The following ZNF644 variants were observed in gnomAD, a reference collection of about 807,000 sequenced individuals.
The protein encoded by ZNF644 is zinc finger motif enhancer binding protein 2.
ZNF644 carries 20 observed loss-of-function variants against 108.0 expected under a neutral mutation model. The observed-to-expected ratio is 0.19, with a 90% confidence interval of 0.13 to 0.27. The LOEUF (loss-of-function observed/expected upper bound fraction) is 0.27, where lower values mean the gene tolerates loss of function less well. ZNF644 is among the 10% of genes least tolerant of loss of function. The pLI, the probability that ZNF644 is intolerant of heterozygous loss-of-function variation, is 1.00. For synonymous variants in ZNF644, 542 were observed against 539.1 expected (o/e 1.01, Z -0.08); for missense variants, 1,338 against 1,548.9 (o/e 0.86, Z 2.29).
chr1:90,954,020 G>A (rs1653471418), intron 2 of ZNF644, among the ~76,000 whole-genome samples: 1 of 152,150 alleles, frequency 6.6e-6, no homozygotes, highest in Non-Finnish European at 1.5e-5. Flanking sequence ...TTTTTGCTGA[G>A]ATTTTTGCCT....
At chr1:91,021,609 G>C (rs987190436) in intron 1 of ZNF644, 2 of 161,124 alleles carry the variant, frequency 1.2e-5, no homozygotes, top group South Asian at 2.1e-4. Context: ...GTCCGCTACC[G>C]GATCCTCCGA....
rs1648802769 is a variant in ZNF644 at position 90,916,689 on chromosome 1, C to A, written c.*109G>T. 8.2e-7 allele frequency: 1 copy of A among 1,212,932 alleles called. No individual in the cohort carries two copies. The highest frequency in any genetic ancestry group is 1.5e-5 in the African/African-American group (1 of 65,898). 75.1% of individuals were successfully genotyped at this position (1,212,932 alleles called of 1,614,324 possible). The stretch of plus-strand genomic sequence containing the variant: ...GATGTCACTGTAATTCACTTTCCCC[C>A]CATTTTCCTGCTTTAGTATTTATAA... On this transcript the variant is annotated 3_prime_UTR_variant, in exon 6 of 6. Transcript: ENST00000337393.
At chr1:91,010,185 T>G (rs1220214579) in intron 1 of ZNF644, among the ~76,000 whole-genome samples, 1 of 151,832 alleles carries the variant, frequency 6.6e-6, no homozygotes, top group African/African-American at 2.4e-5. Flanking sequence ...GCATTTAAAA[T>G]AGACTCTAAC....
At chr1:90,932,929 C>T (rs1036493872) in intron 4 of ZNF644, among the ~76,000 whole-genome samples, 27 of 152,264 alleles carry the variant, frequency 1.8e-4, no homozygotes, top group African/African-American at 4.1e-4. Flanking sequence ...GCCAAACACA[C>T]GCTTTCTATT....
intron 4 of ZNF644, among the ~76,000 whole-genome samples, chr1:90,931,400 C>T (rs914737009): frequency 1.3e-5 from 2 of 149,012 alleles, no homozygotes; most frequent in African/African-American, 4.9e-5. Flanking sequence ...ACCATTACTG[C>T]ATTCCATAAA....
At position 90,937,636 on chromosome 1, in the gene ZNF644, C is replaced by T. The variant is rs1651474074; in HGVS notation, c.3537G>A (p.Arg1179=). The part of the protein sequence containing the change: ...LTLIELLKNK[R]MGEERNSAIS... ...TAGCAGAATTCCTTTCTTCTCCCAT[C>T]CTTTTATTTTTAAGAAGTTCTATGA... is the stretch of plus-strand genomic sequence containing the variant. Residue 1179 remains arginine, a synonymous_variant, in exon 4 of 6, where the codon AGG becomes AGA. Transcript: ENST00000337393. 5 of 1,613,742 alleles carry T rather than the reference C, an allele frequency of 3.1e-6. No homozygotes were observed. The highest frequency in any genetic ancestry group is 4.2e-6 in the Non-Finnish European group (5 of 1,179,864).
chr1:91,020,989 T>C (rs1015092216), intron 1 of ZNF644: 5 of 152,192 alleles, frequency 3.3e-5, no homozygotes, highest in African/African-American at 1.2e-4. Flanking sequence ...TCAAGAAAAC[T>C]TTTCCACTAA....
chr1:90,970,401 C>T (rs1274539718), intron 2 of ZNF644, among the ~76,000 whole-genome samples: 2 of 152,156 alleles, frequency 1.3e-5, no homozygotes, highest in African/African-American at 4.8e-5. Flanking sequence ...TTAAAAATGA[C>T]AGATTGTGCA....
At chr1:91,017,869 G>A (rs555176911) in intron 1 of ZNF644, among the ~76,000 whole-genome samples, 2 of 152,264 alleles carry the variant, frequency 1.3e-5, no homozygotes, top group African/African-American at 2.4e-5. Flanking sequence ...GGCTGAGACA[G>A]GAGAATCACT....
chr1:90,949,289 C>T (rs989180541), intron 2 of ZNF644, among the ~76,000 whole-genome samples: 1 of 151,752 alleles, frequency 6.6e-6, no homozygotes, highest in African/African-American at 2.4e-5. Flanking sequence ...AAGAACAAAA[C>T]TGAAAGTGCT....
At chr1:90,985,813 T>C (rs2101539044) in intron 1 of ZNF644, among the ~76,000 whole-genome samples, 1 of 152,306 alleles carries the variant, frequency 6.6e-6, no homozygotes, top group Non-Finnish European at 1.5e-5. Flanking sequence ...TTTAGATGTA[T>C]AACCAGACGT....
rs1648682360 is a variant in ZNF644, at chr1:90,915,598, A to C, written c.*1200T>G. ...TTGTTTTTGGAAAAAATTTTTAAAA[A>C]GAATCACAATTTATCATGACCAAGA... On this transcript the variant is annotated 3_prime_UTR_variant, in exon 6 of 6. Transcript: ENST00000337393. 1 of 152,604 alleles carries C rather than the reference A, an allele frequency of 6.6e-6. No homozygotes were observed. The highest frequency in any genetic ancestry group is 2.4e-5 in the African/African-American group (1 of 41,462). 9.5% of individuals were successfully genotyped at this position (152,604 alleles called of 1,614,324 possible).
intron 1 of ZNF644, among the ~76,000 whole-genome samples, chr1:90,996,378 G>C (rs1449537543): frequency 6.6e-6 from 1 of 152,194 alleles, no homozygotes. Context: ...CAAAGGCTTG[G>C]AGCAATCTAG....
At chr1:90,936,435 A>G (rs760745717) in intron 4 of ZNF644, among the ~76,000 whole-genome samples, 130 of 152,190 alleles carry the variant, frequency 8.5e-4, no homozygotes, top group Non-Finnish European at 1.4e-3. Flanking sequence ...ATTAAACAGA[A>G]GCTCATACAA....
chr1:90,990,546 GTATC>G (rs1462593236), intron 1 of ZNF644, among the ~76,000 whole-genome samples: 1 of 152,194 alleles, frequency 6.6e-6, no homozygotes, highest in Non-Finnish European at 1.5e-5. Context: ...AAGGAAAAGA[GTATC>G]TATGCAGAAT....
intron 1 of ZNF644, among the ~76,000 whole-genome samples, chr1:91,003,041 G>C (rs539117808): frequency 6.8e-4 from 104 of 152,378 alleles, no homozygotes; most frequent in African/African-American, 2.3e-3. Flanking sequence ...ACAGGTGCTG[G>C]AGAGGATGTG....
chr1:91,020,833 T>A (rs566173707), intron 1 of ZNF644: 2 of 152,264 alleles, frequency 1.3e-5, no homozygotes, highest in Admixed American at 6.5e-5. Flanking sequence ...GACAGGATAG[T>A]CGGCGGTGTT....
chr1:90,966,747 CAAAA>C (rs67549954), intron 2 of ZNF644, among the ~76,000 whole-genome samples: 4 of 73,894 alleles, frequency 5.4e-5, no homozygotes, highest in African/African-American at 5.7e-5. Flanking sequence ...GACTCAGTCT[CAAAA>C]AAAAAAAAAA....
intron 4 of ZNF644, among the ~76,000 whole-genome samples, chr1:90,936,909 C>T (rs1378571125): frequency 2.0e-5 from 3 of 152,170 alleles, no homozygotes; most frequent in Non-Finnish European, 4.4e-5. Context: ...TTTATGTTCA[C>T]AACTGTTCTC....
Sources: gnomAD v4.1 joint callset for allele counts (sites outside exome capture counted in the v4.1 genomes callset) on GRCh38, gnomAD v4.1.1 for gene constraint, MANE v1.5 for transcripts, NCBI Gene and HGNC (gene_info 2026-07-23, HGNC 2026-07-21) for gene names.